ZNF451: variants seen among roughly 807,000 people sequenced by gnomAD.
ZNF451 encodes E3 SUMO-protein ligase ZNF451.
In ZNF451, 80 loss-of-function variants were observed where a neutral mutation model predicts 107.1. That is an observed-to-expected ratio of 0.75 (90% CI 0.62 to 0.90). The LOEUF (loss-of-function observed/expected upper bound fraction) is 0.90, where lower values mean the gene tolerates loss of function less well. Ranked by LOEUF, ZNF451 falls within the 40% of genes least tolerant of loss-of-function variation. The pLI is 0.00. For missense variants in ZNF451, 1,107 were observed against 1,236.2 expected (o/e 0.90, Z 1.57); for synonymous variants, 362 against 406.5 (o/e 0.89, Z 1.32).
chr6:57,137,911 A>G (rs924806408), intron 7 of ZNF451, among the ~76,000 whole-genome samples: 1 of 152,196 alleles, frequency 6.6e-6, no homozygotes, highest in African/African-American at 2.4e-5. Context: ...GCTTATTCAT[A>G]TGGTAGCATG....
chr6:57,137,967 A>G (rs535897714), intron 7 of ZNF451, among the ~76,000 whole-genome samples: 1 of 152,310 alleles, frequency 6.6e-6, no homozygotes, highest in South Asian at 2.1e-4. Context: ...ATTTCATTGT[A>G]AGGACATATG....
Position 57,148,027 on chromosome 6 carries a change from A to T in ZNF451, c.1942A>T (p.Ile648Leu), listed in dbSNP as rs368682577. Residue 648 changes from isoleucine to leucine, a missense_variant, in exon 10 of 15, where the codon ATA becomes TTA. Physicochemically the swap from Ile to Leu is conservative, Grantham distance 5. This residue lies in a region of ZNF451 where 608 missense variants were observed against 649.2 expected (regional missense o/e 0.94). Coordinates refer to ENST00000370706, the MANE Select transcript of ZNF451 (RefSeq NM_001031623.3). ...TCACTGCAGAAAGCCTTTTCATAAG[A>T]TAGAAACATTGTACCGACATTGCCA... is the stretch of plus-strand genomic sequence containing the variant. ...CAHCRKPFHK[I>L]ETLYRHCQDE... 18 of 1,614,138 alleles carry T rather than the reference A, an allele frequency of 1.1e-5. No homozygotes were observed. The highest frequency in any genetic ancestry group is 1.5e-5 in the Non-Finnish European group (18 of 1,179,984).
chr6:57,134,055 C>G (rs1309666193), intron 6 of ZNF451: 1 of 152,220 alleles, frequency 6.6e-6, no homozygotes, highest in African/African-American at 2.4e-5. Flanking sequence ...TCCCCATAGC[C>G]TCCCTTTCTA....
At chr6:57,154,361 C>T (rs1259155928) in intron 13 of ZNF451, 1 of 445,954 alleles carries the variant, frequency 2.2e-6, no homozygotes, top group Non-Finnish European at 3.9e-6. Flanking sequence ...GAATTCAGAT[C>T]TTCACTTTGT....
chr6:57,098,432 ATGTGCCT>A (rs1338835617), intron 2 of ZNF451, among the ~76,000 whole-genome samples: 11 of 152,090 alleles, frequency 7.2e-5, no homozygotes, highest in Middle Eastern at 6.8e-3. Flanking sequence ...CTGCATTGTC[ATGTGCCT>A]ATACTGATTA....
At chr6:57,120,373 GT>G (rs1243160058) in intron 3 of ZNF451, among the ~76,000 whole-genome samples, 1 of 152,224 alleles carries the variant, frequency 6.6e-6, no homozygotes, top group Non-Finnish European at 1.5e-5. Context: ...TACAGTTGCT[GT>G]AAACAGCTGT....
chr6:57,161,007 G>T, intron 13 of ZNF451, 77 bp from the exon 14 acceptor site: 2 of 873,874 alleles, frequency 2.3e-6, no homozygotes, highest in South Asian at 4.4e-5. Flanking sequence ...GCTTGGGTAT[G>T]AGCAGTTATT....
chr6:57,138,704 CATATATATAT>C (rs60629541), intron 7 of ZNF451, among the ~76,000 whole-genome samples: 327 of 43,698 alleles, frequency 7.5e-3, no homozygotes, highest in Middle Eastern at 0.028. Flanking sequence ...GCAGCTATGC[CATATATATAT>C]ATATATATAT....
At position 57,108,740 on chromosome 6, in the gene ZNF451, G is replaced by C. The variant is rs1829984703; in HGVS notation, c.186+9599G>C. ...CCGTGTGTTTAATTGTCATCTTCCTGCCTGGGAAGGCAGTAGAAGAAAGAA... is the reference window on the plus strand; with the variant it reads ...CCGTGTGTTTAATTGTCATCTTCCTCCCTGGGAAGGCAGTAGAAGAAAGAA... On this transcript the variant is annotated intron_variant, in intron 3 of 14. Coordinates refer to ENST00000370706, the MANE Select transcript of ZNF451 (RefSeq NM_001031623.3). 6.1e-6 allele frequency: 6 copies of C among 985,272 alleles called. No homozygotes were observed. In the South Asian group the frequency reaches 1.4e-4, roughly 23 times the overall value. The allele number at this position is 985,272 out of a possible 1,614,324, so 61.0% of individuals were successfully genotyped here.
chr6:57,105,875 A>G, intron 3 of ZNF451: 1 of 984,280 alleles, frequency 1.0e-6, no homozygotes, highest in Non-Finnish European at 1.2e-6. Context: ...CCTTATCAGT[A>G]TAATTACATT....
At chr6:57,101,207 G>T in intron 3 of ZNF451, 1 of 1,551,030 alleles carries the variant, frequency 6.4e-7, no homozygotes, top group Non-Finnish European at 8.7e-7. Context: ...CTTTTGAAGA[G>T]AATGGAACAA....
Position 57,153,889 on chromosome 6 carries a change from A to G in ZNF451, c.2912A>G (p.Lys971Arg), listed in dbSNP as rs780309744. 1.9e-6 allele frequency: 3 copies of G among 1,614,190 alleles called. No homozygotes were observed. Among genetic ancestry groups the G allele is most frequent in the Non-Finnish European group, 2.5e-6 (3 of 1,180,034 alleles). ...HAGRLDEQLPKQIPFTILSGD... is the reference protein window; with the variant it reads ...HAGRLDEQLPRQIPFTILSGD... ...GGCCGTCTAGATGAACAACTACCCAAGCAAATTCCTTTCACCATCCTCTCA... is the reference window on the plus strand; with the variant it reads ...GGCCGTCTAGATGAACAACTACCCAGGCAAATTCCTTTCACCATCCTCTCA... Residue 971 changes from lysine to arginine, a missense_variant, in exon 13 of 15, where the codon AAG becomes AGG. Coordinates refer to ENST00000370706, the MANE Select transcript of ZNF451 (RefSeq NM_001031623.3).
At chr6:57,130,865 T>C (rs1445419393) in intron 5 of ZNF451, among the ~76,000 whole-genome samples, 1 of 152,164 alleles carries the variant, frequency 6.6e-6, no homozygotes, top group African/African-American at 2.4e-5. Flanking sequence ...TCTGTAGTTA[T>C]GATCTTTTTT....
At chr6:57,105,616 C>T in intron 3 of ZNF451, 1 of 985,366 alleles carries the variant, frequency 1.0e-6, no homozygotes, top group Non-Finnish European at 1.2e-6. Context: ...ATTTAACTAA[C>T]TAGACAGTAG....
chr6:57,109,797 T>TACAC, intron 3 of ZNF451: 1 of 769,548 alleles, frequency 1.3e-6, no homozygotes, highest in Non-Finnish European at 1.6e-6. Context: ...TTAGAGTGTA[T>TACAC]ATGTATGTGT....
At chr6:57,095,536 CT>C (rs1829253548) in intron 2 of ZNF451, among the ~76,000 whole-genome samples, 1 of 151,914 alleles carries the variant, frequency 6.6e-6, no homozygotes, top group Non-Finnish European at 1.5e-5. Context: ...TCTCACTGTT[CT>C]GTCCAGGATG....
intron 2 of ZNF451, among the ~76,000 whole-genome samples, chr6:57,096,044 G>T (rs905963240): frequency 6.6e-6 from 1 of 151,488 alleles, no homozygotes; most frequent in African/African-American, 2.4e-5. Context: ...AGATGGTCTC[G>T]AACTCATGGC....
intron 13 of ZNF451, among the ~76,000 whole-genome samples, chr6:57,157,617 A>G (rs1031064804): frequency 4.1e-4 from 62 of 152,326 alleles, no homozygotes; most frequent in African/African-American, 1.3e-3. Flanking sequence ...ACATTTAAAA[A>G]GTCTATTAAC....
chr6:57,137,546 G>C (rs72867049), intron 7 of ZNF451, among the ~76,000 whole-genome samples: 2,001 of 152,244 alleles, frequency 0.013, 20 homozygotes, highest in Non-Finnish European at 0.021. Flanking sequence ...TGAGTAGCAA[G>C]TTTCTAGTGG....
Sources: allele counts gnomAD v4.1 joint callset (sites outside exome capture counted in the v4.1 genomes callset), GRCh38; gene constraint gnomAD v4.1.1; regional missense constraint gnomAD v4.1.1; transcripts MANE v1.5; gene names NCBI Gene and HGNC (gene_info 2026-07-23, HGNC 2026-07-21).